Variants in ACAP2 observed in about 807,000 individuals in gnomAD.
ACAP2 encodes the protein ArfGAP with coiled-coil, ankyrin repeat and PH domains 2.
ACAP2 carries 39 observed loss-of-function variants against 115.8 expected under a neutral mutation model. The ratio of observed to expected loss-of-function variants is 0.34; its 90% CI spans 0.26 to 0.44. The LOEUF is 0.44. ACAP2 is among the 20% of genes least tolerant of loss of function. The pLI is 1.00. For synonymous variants in ACAP2, 289 were observed against 315.8 expected (o/e 0.92, Z 0.90); for missense variants, 662 against 927.6 (o/e 0.71, Z 3.72).
intron 1 of ACAP2, among the ~76,000 whole-genome samples, chr3:195,404,795 A>AT (rs1417848929): frequency 6.8e-6 from 1 of 146,914 alleles, no homozygotes; most frequent in East Asian, 2.0e-4. Context: ...ATAATATATA[A>AT]TTTTTTCTTT....
intron 4 of ACAP2, among the ~76,000 whole-genome samples, chr3:195,345,763 G>T (rs1731153551): frequency 6.6e-6 from 1 of 152,098 alleles, no homozygotes. Flanking sequence ...GGGAAGACGT[G>T]GGGACTTAAA....
intron 20 of ACAP2, among the ~76,000 whole-genome samples, chr3:195,289,698 C>G (rs535701251): frequency 3.7e-4 from 55 of 147,808 alleles, no homozygotes; most frequent in African/African-American, 1.3e-3. Flanking sequence ...CCCAGCTACA[C>G]AGGAGGCTGA....
At chr3:195,351,117 C>CTTTTTTT (rs1160492256) in intron 4 of ACAP2, among the ~76,000 whole-genome samples, 2,590 of 106,940 alleles carry the variant, frequency 0.024, 79 homozygotes, top group African/African-American at 0.078. Context: ...AAGATAAATC[C>CTTTTTTT]TTTTTTTTTT....
intron 2 of ACAP2, among the ~76,000 whole-genome samples, chr3:195,390,896 A>T (rs544313693): frequency 4.2e-4 from 64 of 152,316 alleles, no homozygotes; most frequent in African/African-American, 1.5e-3. Context: ...AAACAAATGG[A>T]TCGGAAGCTG....
chr3:195,366,175 C>T (rs1269268958), intron 4 of ACAP2, among the ~76,000 whole-genome samples: 2 of 152,082 alleles, frequency 1.3e-5, no homozygotes, highest in Non-Finnish European at 2.9e-5. Flanking sequence ...TTTCTCCAAA[C>T]CTTTTCTTCC....
At chr3:195,436,869 T>G (rs959326917) in intron 1 of ACAP2, among the ~76,000 whole-genome samples, 19 of 152,288 alleles carry the variant, frequency 1.2e-4, no homozygotes, top group African/African-American at 4.3e-4. Flanking sequence ...AAAATTAGAT[T>G]ATCTGCTACA....
chr3:195,314,462 T>C (rs1196889740), intron 10 of ACAP2, among the ~76,000 whole-genome samples: 1 of 152,088 alleles, frequency 6.6e-6, no homozygotes. Flanking sequence ...GAGACAGGGT[T>C]CTCGCCATGT....
intron 22 of ACAP2, among the ~76,000 whole-genome samples, chr3:195,284,044 G>A (rs1726681898): frequency 6.6e-6 from 1 of 152,128 alleles, no homozygotes. Flanking sequence ...AACTAGAAGT[G>A]GCAAGAACTT....
chr3:195,368,641 C>A (rs1385764077), intron 4 of ACAP2, among the ~76,000 whole-genome samples: 1 of 152,156 alleles, frequency 6.6e-6, no homozygotes, highest in Non-Finnish European at 1.5e-5. Flanking sequence ...TTTAGTATTA[C>A]AGATTCTTAT....
intron 1 of ACAP2, among the ~76,000 whole-genome samples, chr3:195,428,985 A>G (rs1714901395): frequency 6.6e-6 from 1 of 152,234 alleles, no homozygotes; most frequent in Non-Finnish European, 1.5e-5. Context: ...GAATGTTCGT[A>G]ACAACTTTAT....
intron 12 of ACAP2, among the ~76,000 whole-genome samples, chr3:195,307,019 T>C (rs1728469859): frequency 6.6e-6 from 1 of 152,152 alleles, no homozygotes; most frequent in African/African-American, 2.4e-5. Context: ...CTTTATGGAA[T>C]TTAAAGAATA....
chr3:195,367,782 TGA>T (rs1220712051), intron 4 of ACAP2, among the ~76,000 whole-genome samples: 1 of 148,718 alleles, frequency 6.7e-6, no homozygotes, highest in African/African-American at 2.4e-5. Context: ...TCCTAGAAGA[TGA>T]GAGACTCCAA....
At chr3:195,397,074 G>T (rs780337025) in intron 1 of ACAP2, among the ~76,000 whole-genome samples, 6 of 152,178 alleles carry the variant, frequency 3.9e-5, no homozygotes, top group Admixed American at 6.5e-5. Flanking sequence ...ACCTAATAAA[G>T]AAATCATCAA....
intron 4 of ACAP2, among the ~76,000 whole-genome samples, chr3:195,367,423 G>C (rs1218690025): frequency 1.3e-5 from 2 of 152,068 alleles, no homozygotes; most frequent in African/African-American, 4.8e-5. Flanking sequence ...AAAACTCTGG[G>C]GGAATGGGGA....
intron 4 of ACAP2, among the ~76,000 whole-genome samples, chr3:195,348,026 GAAGAA>G (rs1431907072): frequency 5.6e-5 from 8 of 142,914 alleles, no homozygotes; most frequent in South Asian, 4.5e-4. Flanking sequence ...CGAAAGAAAA[GAAGAA>G]AAGAAAAGAA....
intron 10 of ACAP2, among the ~76,000 whole-genome samples, chr3:195,314,202 T>TG (rs796575476): frequency 2.8e-4 from 43 of 151,296 alleles, no homozygotes; most frequent in African/African-American, 1.0e-3. Flanking sequence ...TTTTGTTGTT[T>TG]TTTTTTTTTT....
intron 4 of ACAP2, among the ~76,000 whole-genome samples, chr3:195,355,618 C>G (rs1731910707): frequency 6.6e-6 from 1 of 152,222 alleles, no homozygotes; most frequent in Non-Finnish European, 1.5e-5. Context: ...ATATATGACT[C>G]TTTAAAACCA....
intron 1 of ACAP2, among the ~76,000 whole-genome samples, chr3:195,431,761 C>T (rs983327397): frequency 2.0e-5 from 3 of 151,846 alleles, no homozygotes; most frequent in Admixed American, 6.6e-5. Context: ...TGTTTAACTT[C>T]TTATCTTAGG....
intron 4 of ACAP2, among the ~76,000 whole-genome samples, chr3:195,369,241 ATTG>A (rs1321035097): frequency 6.6e-6 from 1 of 152,130 alleles, no homozygotes; most frequent in African/African-American, 2.4e-5. Context: ...AAAATGAATT[ATTG>A]TTTTGTTTAC....
Sources: gnomAD v4.1 joint callset for allele counts (sites outside exome capture counted in the v4.1 genomes callset) on GRCh38, gnomAD v4.1.1 for gene constraint, MANE v1.5 for transcripts, NCBI Gene and HGNC (gene_info 2026-07-23, HGNC 2026-07-21) for gene names.